The following TNIK variants were observed in gnomAD, a reference collection of about 807,000 sequenced individuals.
TNIK encodes TRAF2 and NCK interacting kinase.
TNIK carries 49 observed loss-of-function variants against 191.3 expected under a neutral mutation model. That is an observed-to-expected ratio of 0.26 (90% CI 0.20 to 0.32). The LOEUF (loss-of-function observed/expected upper bound fraction) is 0.32. TNIK is among the 10% of genes least tolerant of loss of function. TNIK has a pLI of 1.00. For synonymous variants in TNIK, 594 were observed against 600.9 expected (o/e 0.99, Z 0.17); for missense variants, 1,155 against 1,702.3 (o/e 0.68, Z 5.66).
chr3:171,287,825 T>C (rs538344761), intron 2 of TNIK, among the ~76,000 whole-genome samples: 7 of 152,274 alleles, frequency 4.6e-5, no homozygotes, highest in Admixed American at 4.6e-4. Context: ...AGAACCAGGC[T>C]AGTCATTTCA....
chr3:171,324,124 G>T (rs770881707), intron 2 of TNIK, among the ~76,000 whole-genome samples: 1 of 141,826 alleles, frequency 7.1e-6, no homozygotes, highest in African/African-American at 2.7e-5. Context: ...CAAGCAGAAC[G>T]TCACCCAAAT....
chr3:171,184,944 A>G (rs1319671740), intron 7 of TNIK, among the ~76,000 whole-genome samples: 4 of 152,148 alleles, frequency 2.6e-5, no homozygotes, highest in East Asian at 1.9e-4. Flanking sequence ...AATAAACAAC[A>G]TTGGCACAGA....
intron 22 of TNIK, among the ~76,000 whole-genome samples, chr3:171,097,152 A>G (rs1278755575): frequency 1.3e-5 from 2 of 152,202 alleles, no homozygotes; most frequent in Non-Finnish European, 2.9e-5. Context: ...GGAGATCAGA[A>G]GCTCCCAGGA....
In TNIK at chr3:171,407,888, G is replaced by A. The variant is rs1172896984; in HGVS notation, c.58-38203C>T. On this transcript the variant is annotated intron_variant, in intron 1 of 32. Coordinates refer to ENST00000436636, the MANE Select transcript of TNIK (RefSeq NM_015028.4). Reference sequence around the variant, plus strand: ...AGAAAAAAAGACATTCAGGTGCCTCGTGGCTGCTTCCCGTCTTCAATCCCT... The same window carrying A: ...AGAAAAAAAGACATTCAGGTGCCTCATGGCTGCTTCCCGTCTTCAATCCCT... 5.9e-5 allele frequency among the ~76,000 whole-genome samples: 9 copies of A among 152,134 alleles called. No homozygotes were observed. In the South Asian group the frequency reaches 1.2e-3, roughly 21 times the overall value.
At chr3:171,097,689 T>C (rs1306952957) in intron 22 of TNIK, among the ~76,000 whole-genome samples, 2 of 152,166 alleles carry the variant, frequency 1.3e-5, no homozygotes, top group African/African-American at 2.4e-5. Flanking sequence ...GAGGCCCCCC[T>C]AGCCATGTGG....
intron 1 of TNIK, among the ~76,000 whole-genome samples, chr3:171,372,534 G>A (rs1255845356): frequency 6.6e-6 from 1 of 152,206 alleles, no homozygotes; most frequent in African/African-American, 2.4e-5. Context: ...AACTTCATCT[G>A]ATCCATGGAA....
intron 9 of TNIK, 121 bp downstream of exon 9, chr3:171,175,131 C>G: frequency 1.1e-6 from 1 of 941,946 alleles, no homozygotes; most frequent in Non-Finnish European, 1.7e-6. Flanking sequence ...AGTAATTCAC[C>G]AAGTCATCAT....
At chr3:171,456,563 T>C (rs1728819448) in intron 1 of TNIK, among the ~76,000 whole-genome samples, 1 of 152,206 alleles carries the variant, frequency 6.6e-6, no homozygotes, top group Admixed American at 6.5e-5. Flanking sequence ...CATGCTCTGA[T>C]GGACACAGGT....
At chr3:171,286,369 G>A (rs1375452696) in intron 2 of TNIK, among the ~76,000 whole-genome samples, 1 of 152,120 alleles carries the variant, frequency 6.6e-6, no homozygotes, top group Non-Finnish European at 1.5e-5. Context: ...GGAAGAAGAA[G>A]GTCTTCCCAT....
intron 24 of TNIK, among the ~76,000 whole-genome samples, chr3:171,086,515 G>A (rs1303076347): frequency 6.6e-6 from 1 of 152,166 alleles, no homozygotes; most frequent in Non-Finnish European, 1.5e-5. Flanking sequence ...ATTACAATAG[G>A]ATGCTGTGCT....
intron 2 of TNIK, among the ~76,000 whole-genome samples, chr3:171,352,066 G>A (rs979343414): frequency 5.3e-5 from 8 of 152,194 alleles, no homozygotes; most frequent in Non-Finnish European, 8.8e-5. Context: ...CTGCTTCAGT[G>A]GGTTTGGAAA....
intron 1 of TNIK, among the ~76,000 whole-genome samples, chr3:171,377,884 A>T (rs1717471185): frequency 6.6e-6 from 1 of 152,248 alleles, no homozygotes. Context: ...ATTGGTTCAT[A>T]GTAGAGCCAG....
intron 3 of TNIK, among the ~76,000 whole-genome samples, chr3:171,213,930 A>C (rs1741160992): frequency 6.6e-6 from 1 of 152,196 alleles, no homozygotes. Context: ...TGTACTACAA[A>C]GTAAATGTTA....
intron 1 of TNIK, among the ~76,000 whole-genome samples, chr3:171,406,987 TG>T (rs1004534676): frequency 6.6e-6 from 1 of 152,030 alleles, no homozygotes; most frequent in African/African-American, 2.4e-5. Context: ...CAGGCCTGCC[TG>T]GGGAAGTGGG....
In TNIK at chr3:171,060,658, T is replaced by C. The variant is rs1243375854; in HGVS notation, c.*3223A>G. Among the ~76,000 whole-genome samples, 1 of 152,186 alleles carries C rather than the reference T, an allele frequency of 6.6e-6. No homozygotes were observed. The highest frequency in any genetic ancestry group is 1.5e-5 in the Non-Finnish European group (1 of 68,032). On this transcript the variant is annotated 3_prime_UTR_variant, in exon 33 of 33. Coordinates refer to ENST00000436636, the MANE Select transcript of TNIK (RefSeq NM_015028.4). ...TTAGTGAAGGCTGTCTTCATTTGCA[T>C]TGTGTGTTATGACAGTGGTCTGGCT...
chr3:171,073,024 T>C (rs1313368219), intron 28 of TNIK, among the ~76,000 whole-genome samples: 1 of 152,030 alleles, frequency 6.6e-6, no homozygotes, highest in Non-Finnish European at 1.5e-5. Flanking sequence ...GCCAATGTTG[T>C]TTTTTACAGA....
intron 9 of TNIK, among the ~76,000 whole-genome samples, chr3:171,170,570 C>G (rs768124609): frequency 6.6e-6 from 1 of 152,072 alleles, no homozygotes; most frequent in Non-Finnish European, 1.5e-5. Context: ...TAGTACTTAT[C>G]TCAAAAAAAG....
At chr3:171,270,889 C>T (rs1749013170) in intron 2 of TNIK, among the ~76,000 whole-genome samples, 1 of 152,196 alleles carries the variant, frequency 6.6e-6, no homozygotes, top group African/African-American at 2.4e-5. Flanking sequence ...GAGTCTGGCA[C>T]ATAACAAGTG....
chr3:171,258,725 C>T (rs1747202277), intron 2 of TNIK, among the ~76,000 whole-genome samples: 1 of 152,158 alleles, frequency 6.6e-6, no homozygotes, highest in Non-Finnish European at 1.5e-5. Flanking sequence ...TCCTTCTGCC[C>T]ACTCCACCTG....
Sources: allele counts gnomAD v4.1 joint callset (sites outside exome capture counted in the v4.1 genomes callset), GRCh38; gene constraint gnomAD v4.1.1; transcripts MANE v1.5; gene names NCBI Gene and HGNC (gene_info 2026-07-23, HGNC 2026-07-21).